Variants in SLC6A18 observed in about 807,000 individuals in gnomAD.
SLC6A18 encodes solute carrier family 6 member 18, also known as inactive sodium-dependent neutral amino acid transporter B(0)AT3.
Under a neutral mutation model 62.9 loss-of-function variants are expected in SLC6A18, and 58 were observed. The ratio of observed to expected loss-of-function variants is 0.92; its 90% CI spans 0.75 to 1.15. The LOEUF is 1.15. Among genes scored for constraint, SLC6A18 ranks in the 50% most tolerant of loss-of-function variants. The pLI is 0.00. For missense variants in SLC6A18, 793 were observed against 836.6 expected (o/e 0.95, Z 0.64); for synonymous variants, 382 against 365.8 (o/e 1.04, Z -0.51).
At position 1,243,307 on chromosome 5, in the gene SLC6A18, G is replaced by A. The variant is rs1233000664; in HGVS notation, c.1132-248G>A. ...GTGCCTGACTCTAGGCATAAAAGGC[G>A]CTGGTTTCTAGGCCCAGCTGCCTGC... On this transcript the variant is annotated intron_variant, in intron 8 of 11. Transcript: ENST00000324642. The surrounding 1 kb of genome is among the most constrained non-coding windows in gnomAD (Gnocchi z 6.5). Among the ~76,000 whole-genome samples, 3 of 152,186 alleles carry A rather than the reference G, an allele frequency of 2.0e-5. No individual in the cohort carries two copies. Among genetic ancestry groups the A allele is most frequent in the East Asian group, 1.9e-4 (1 of 5,194 alleles).
At chr5:1,238,405 AGTGGGC>A (rs1746953397) in intron 5 of SLC6A18, among the ~76,000 whole-genome samples, 2 of 76,762 alleles carry the variant, frequency 2.6e-5, no homozygotes, top group Non-Finnish European at 4.4e-5. Flanking sequence ...TCAGGTTTGG[AGTGGGC>A]CTGGGGCCTC....
chr5:1,239,864 G>A (rs145638960), intron 6 of SLC6A18, among the ~76,000 whole-genome samples: 24 of 152,350 alleles, frequency 1.6e-4, no homozygotes, highest in African/African-American at 5.3e-4. Context: ...CTCAAGGCCC[G>A]TTGGTGCCGA....
intron 4 of SLC6A18, among the ~76,000 whole-genome samples, chr5:1,237,240 C>CAAAAAAAAAAAAAA (rs61528804): frequency 7.6e-4 from 58 of 76,462 alleles, no homozygotes; most frequent in African/African-American, 2.9e-3. Context: ...GACTCTGTCT[C>CAAAAAAAAAAAAAA]AAAAAAAAAA....
At position 1,243,410 on chromosome 5, in the gene SLC6A18, C is replaced by T; in HGVS notation, c.1132-145C>T. ...TCGTCTCCCAGAAGGCATGGCCAGCCCTGAGCCACCTCAGCCCGACACCAG... is the reference window on the plus strand; with the variant it reads ...TCGTCTCCCAGAAGGCATGGCCAGCTCTGAGCCACCTCAGCCCGACACCAG... On this transcript the variant is annotated intron_variant, in intron 8 of 11. Coordinates refer to ENST00000324642, the MANE Select transcript of SLC6A18 (RefSeq NM_182632.3). This position sits in a 1 kb window ranked among gnomAD's most constrained non-coding sequence, Gnocchi z 6.5. The T allele has an allele frequency of 1.1e-6, 1 of 898,972 alleles. No homozygotes were observed. The highest frequency in any genetic ancestry group is 2.5e-5 in the East Asian group (1 of 39,500). The allele number at this position is 898,972 out of a possible 1,614,324, so 55.7% of individuals were successfully genotyped here.
At chr5:1,240,711 G>T in intron 7 of SLC6A18, 52 bp downstream of exon 7, 2 of 1,605,328 alleles carry the variant, frequency 1.2e-6, no homozygotes, top group Non-Finnish European at 8.5e-7. Context: ...CCAGACAGGT[G>T]CCTGCCGCAC....
intron 1 of SLC6A18, among the ~76,000 whole-genome samples, chr5:1,228,483 T>C (rs1189014967): frequency 2.0e-5 from 3 of 152,232 alleles, no homozygotes; most frequent in African/African-American, 7.2e-5. Flanking sequence ...ATTTGCTCAG[T>C]GGCTGCACTG....
intron 1 of SLC6A18, 109 bp from the exon 2 acceptor site, chr5:1,232,110 T>C: frequency 1.0e-6 from 1 of 976,110 alleles, no homozygotes; most frequent in Non-Finnish European, 1.5e-6. Flanking sequence ...GCCCCCAACA[T>C]TCAGGTCCCG....
At position 1,244,347 on chromosome 5, in the gene SLC6A18, T is replaced by C; in HGVS notation, c.1470T>C (p.Gly490=). 1 of 1,613,782 alleles carries C rather than the reference T, an allele frequency of 6.2e-7. No individual in the cohort carries two copies. The highest frequency in any genetic ancestry group is 8.5e-7 in the Non-Finnish European group (1 of 1,179,900). The change falls in exon 10 of 12, where the codon GGT becomes GGC. Residue 490 remains glycine, a synonymous_variant. Transcript: ENST00000324642. ...LLMLAFLEVV[G]VVYVYGMKRF... ...TGTTGGCCTTTCTCGAGGTTGTGGG[T>C]GTCGTTTATGTTTATGGAATGAAAC...
intron 10 of SLC6A18, 34 bp from the exon 11 acceptor site, chr5:1,244,574 A>C: frequency 6.4e-7 from 1 of 1,570,244 alleles, no homozygotes; most frequent in African/African-American, 1.3e-5. Context: ...CCTTCCACAG[A>C]CCATGTGAAG....
At chr5:1,240,962 T>A (rs1747040733) in intron 7 of SLC6A18, among the ~76,000 whole-genome samples, 1 of 152,134 alleles carries the variant, frequency 6.6e-6, no homozygotes, top group Non-Finnish European at 1.5e-5. Flanking sequence ...GGAGGCCACG[T>A]GAAGACAGGC....
At position 1,246,036 on chromosome 5, in the gene SLC6A18, G is replaced by A. The variant is rs754874969; in HGVS notation, c.1845G>A (p.Thr615=). ...CGGACATGCGCCCGGACACGGACAC[G>A]CGCCCAGACACGGACATGCGCCCGG... ...PDTDMRPDTD[T]RPDTDMRPDT... The change falls in exon 12 of 12, where the codon ACG becomes ACA. Residue 615 remains threonine, a synonymous_variant. Transcript: ENST00000324642. The A allele has an allele frequency of 1.0e-5, 16 of 1,593,922 alleles. No homozygotes were observed. Among genetic ancestry groups the A allele is most frequent in the East Asian group, 9.0e-5 (4 of 44,336 alleles).
chr5:1,233,803 G>A lies in SLC6A18; in HGVS notation c.439+915G>A, dbSNP rs532467285. 2.6e-4 allele frequency among the ~76,000 whole-genome samples: 40 copies of A among 151,232 alleles called. 1 individual carries two copies. The highest frequency in any genetic ancestry group is 3.4e-3 in the Middle Eastern group (1 of 292). On this transcript the variant is annotated intron_variant, in intron 3 of 11. Coordinates refer to ENST00000324642, the MANE Select transcript of SLC6A18 (RefSeq NM_182632.3). The stretch of plus-strand genomic sequence containing the variant: ...GTCGCCCAGGCTGGAGTGCAGTGGT[G>A]CTATCTTGGCTCACTGCAAGCTCTG...
intron 7 of SLC6A18, among the ~76,000 whole-genome samples, 195 bp downstream of exon 7, chr5:1,240,854 T>G (rs1185142953): frequency 6.6e-6 from 1 of 152,206 alleles, no homozygotes; most frequent in Non-Finnish European, 1.5e-5. Context: ...AAAGGGTCTT[T>G]GCAGATGTAA....
intron 4 of SLC6A18, 58 bp from the exon 5 acceptor site, chr5:1,237,892 G>T: frequency 7.2e-7 from 1 of 1,380,654 alleles, no homozygotes. Flanking sequence ...GCTTCTCTGA[G>T]GCTTGTGGAC....
At chr5:1,236,131 G>GT (rs70957338) in intron 4 of SLC6A18, among the ~76,000 whole-genome samples, 51,986 of 151,028 alleles carry the variant, frequency 0.34, 9,366 homozygotes, top group South Asian at 0.44. Context: ...TGCCCCATCT[G>GT]TTTTTTTTTA....
At position 1,244,350 on chromosome 5, in the gene SLC6A18, C is replaced by CGTTTATGTTTATGGAATG. The variant is rs764535796; in HGVS notation, c.1474_1491dup (p.Val492_Met497dup). The CGTTTATGTTTATGGAATG allele has an allele frequency of 1.1e-4, 171 of 1,614,004 alleles. 1 individual carries two copies. The highest frequency in any genetic ancestry group is 1.4e-4 in the Non-Finnish European group (163 of 1,180,016). ...TGGCCTTTCTCGAGGTTGTGGGTGTCGTTTATGTTTATGGAATGAAACGGT... is the reference window on the plus strand; with the variant it reads ...TGGCCTTTCTCGAGGTTGTGGGTGTCGTTTATGTTTATGGAATGGTTTATGTTTATGGAATGAAACGGT... On this transcript the variant is annotated inframe_insertion, in exon 10 of 12. Transcript: ENST00000324642.
Position 1,237,955 on chromosome 5 carries a change from T to A in SLC6A18, c.627T>A (p.Ile209=). 1 of 1,613,926 alleles carries A rather than the reference T, an allele frequency of 6.2e-7. No individual in the cohort carries two copies. ...ACTCCACCTTTTGTTTCAAGGTGATTTACTTCACAGCTTTGTTCCCTTACC... is the reference window on the plus strand; with the variant it reads ...ACTCCACCTTTTGTTTCAAGGTGATATACTTCACAGCTTTGTTCCCTTACC... ...IRGIETTGKV[I]YFTALFPYLV... The change falls in exon 5 of 12, where the codon ATT becomes ATA. Residue 209 remains isoleucine (I), a synonymous_variant. Coordinates refer to ENST00000324642, the MANE Select transcript of SLC6A18 (RefSeq NM_182632.3).
At chr5:1,233,019 C>T in intron 3 of SLC6A18, 131 bp downstream of exon 3, 19 of 1,361,684 alleles carry the variant, frequency 1.4e-5, no homozygotes, top group Non-Finnish European at 1.9e-5. Flanking sequence ...GAACCGGTTG[C>T]TCTGTGTGCA....
intron 4 of SLC6A18, among the ~76,000 whole-genome samples, chr5:1,237,481 A>C (rs1295748705): frequency 6.6e-6 from 1 of 152,132 alleles, no homozygotes; most frequent in Non-Finnish European, 1.5e-5. Context: ...GACTCTGGCC[A>C]CACAGAAGGG....
Sources: gnomAD v4.1 joint callset for allele counts (sites outside exome capture counted in the v4.1 genomes callset) on GRCh38, gnomAD v4.1.1 for gene constraint, Gnocchi (gnomAD v3.1) non-coding constraint, MANE v1.5 for transcripts, NCBI Gene and HGNC (gene_info 2026-07-23, HGNC 2026-07-21) for gene names.